The following RANBP2 variants were observed in gnomAD, a reference collection of about 807,000 sequenced individuals.
RANBP2 encodes E3 SUMO-protein ligase RanBP2.
Under a neutral mutation model 303.6 loss-of-function variants are expected in RANBP2, and 57 were observed. That is an observed-to-expected ratio of 0.19 (90% confidence interval 0.15 to 0.23). RANBP2 has a LOEUF of 0.23. Ranked by LOEUF, RANBP2 falls within the 10% of genes least tolerant of loss-of-function variation. The pLI, the probability that RANBP2 is intolerant of heterozygous loss-of-function variation, is 1.00. For missense variants in RANBP2, 3,138 were observed against 3,780.8 expected (o/e 0.83, Z 4.46); for synonymous variants, 1,167 against 1,301.5 (o/e 0.90, Z 2.23).
chr2:109,613,670 G>A, the RANBP2 span: 7 of 604,728 alleles, frequency 1.2e-5, no homozygotes, highest in Admixed American at 9.4e-5. Flanking sequence ...GGAGCACTGG[G>A]CGGGCGGGGC....
At chr2:108,961,496 G>A in the RANBP2 span, among the ~76,000 whole-genome samples, 2 of 152,164 alleles carry the variant, frequency 1.3e-5, no homozygotes, top group Non-Finnish European at 2.9e-5. Context: ...CTCTTCAGAG[G>A]GAGGTAGAGC....
chr2:109,201,712 A>G, the RANBP2 span, among the ~76,000 whole-genome samples: 1 of 152,238 alleles, frequency 6.6e-6, no homozygotes, highest in Non-Finnish European at 1.5e-5. Context: ...TGCGCCTTGC[A>G]TGGAGAGCCA....
chr2:108,970,203 G>A, the RANBP2 span, among the ~76,000 whole-genome samples: 1 of 152,134 alleles, frequency 6.6e-6, no homozygotes, highest in Non-Finnish European at 1.5e-5. Flanking sequence ...GCCCCTACCC[G>A]AGGCCCAGTG....
At chr2:108,853,495 T>TATATAATATA in the RANBP2 span, among the ~76,000 whole-genome samples, 5 of 151,928 alleles carry the variant, frequency 3.3e-5, no homozygotes, top group Non-Finnish European at 5.9e-5. Context: ...AGGAACTTTA[T>TATATAATATA]CTGATAGAAT....
the RANBP2 span, among the ~76,000 whole-genome samples, chr2:109,682,890 T>C: frequency 7.1e-3 from 1,079 of 152,314 alleles, 17 homozygotes; most frequent in African/African-American, 0.025. Context: ...GGCCCTGACT[T>C]TGTCACAGAC....
the RANBP2 span, chr2:109,490,660 A>C: frequency 2.0e-6 from 3 of 1,509,920 alleles, no homozygotes; most frequent in Non-Finnish European, 2.7e-6. Context: ...ACCAAGAAGA[A>C]GTCACGCTCC....
At chr2:108,929,453 T>C in the RANBP2 span, 3 of 1,513,406 alleles carry the variant, frequency 2.0e-6, no homozygotes, top group Admixed American at 1.7e-5. Context: ...CCACAGTCCT[T>C]GGGCAGTGAC....
At chr2:109,674,897 T>C in the RANBP2 span, among the ~76,000 whole-genome samples, 2 of 152,196 alleles carry the variant, frequency 1.3e-5, no homozygotes, top group East Asian at 3.9e-4. Flanking sequence ...CTTTCCAGTC[T>C]TTTCCCCATG....
the RANBP2 span, among the ~76,000 whole-genome samples, chr2:109,514,125 C>T: frequency 6.6e-6 from 1 of 152,220 alleles, no homozygotes; most frequent in Non-Finnish European, 1.5e-5. Context: ...CCATCAAGTG[C>T]TCTTGCAGCT....
At chr2:108,825,437 A>G in the RANBP2 span, among the ~76,000 whole-genome samples, 7 of 152,132 alleles carry the variant, frequency 4.6e-5, no homozygotes, top group African/African-American at 1.2e-4. Context: ...TCTCCAAAAA[A>G]AAACCCAACC....
the RANBP2 span, among the ~76,000 whole-genome samples, chr2:108,996,754 C>G: frequency 6.6e-6 from 1 of 150,726 alleles, no homozygotes; most frequent in Non-Finnish European, 1.5e-5. Context: ...TGGCATAATA[C>G]AATCATAGCT....
At chr2:109,687,146 G>A in the RANBP2 span, among the ~76,000 whole-genome samples, 1 of 152,000 alleles carries the variant, frequency 6.6e-6, no homozygotes, top group African/African-American at 2.4e-5. Context: ...GATTTTCTTT[G>A]TGTAGCTGCC....
chr2:108,972,550 G>A, the RANBP2 span, among the ~76,000 whole-genome samples: 2 of 152,258 alleles, frequency 1.3e-5, no homozygotes, highest in East Asian at 3.8e-4. Flanking sequence ...AAAAGAGATT[G>A]TAGGTGACCT....
chr2:109,090,873 CA>C, the RANBP2 span, among the ~76,000 whole-genome samples: 1 of 152,114 alleles, frequency 6.6e-6, no homozygotes, highest in Non-Finnish European at 1.5e-5. Context: ...ATCCTCTACT[CA>C]ATACAGCACA....
the RANBP2 span, among the ~76,000 whole-genome samples, chr2:108,823,516 A>G: frequency 3.9e-5 from 6 of 152,216 alleles, no homozygotes; most frequent in Admixed American, 3.9e-4. Flanking sequence ...ACCCTAGGTG[A>G]TATAGCCTAC....
At chr2:108,939,985 G>C in the RANBP2 span, among the ~76,000 whole-genome samples, 43 of 152,330 alleles carry the variant, frequency 2.8e-4, no homozygotes, top group Non-Finnish European at 3.2e-4. Flanking sequence ...CACAACAAAA[G>C]CAAAACAAGA....
At chr2:108,841,728 T>C in the RANBP2 span, among the ~76,000 whole-genome samples, 1 of 152,220 alleles carries the variant, frequency 6.6e-6, no homozygotes, top group Non-Finnish European at 1.5e-5. Context: ...GCCATTTACA[T>C]GTAATGTACT....
At chr2:109,490,482 G>T in the RANBP2 span, 1 of 878,272 alleles carries the variant, frequency 1.1e-6, no homozygotes. Context: ...AAAGTCTTTT[G>T]TCTGAAAAAA....
chr2:109,005,994 T>A, the RANBP2 span, among the ~76,000 whole-genome samples: 2 of 152,052 alleles, frequency 1.3e-5, no homozygotes, highest in Non-Finnish European at 2.9e-5. Context: ...CATGAGCCAG[T>A]GGGTCACGTG....
Sources: allele counts gnomAD v4.1 joint callset (sites outside exome capture counted in the v4.1 genomes callset), GRCh38; gene constraint gnomAD v4.1.1; transcripts MANE v1.5; gene names NCBI Gene and HGNC (gene_info 2026-07-23, HGNC 2026-07-21).